Variants in SKIL observed in about 807,000 individuals in gnomAD.
The protein encoded by SKIL is ski-like protein.
A neutral mutation model predicts 69.6 loss-of-function variants in SKIL; 20 were observed. The ratio of observed to expected loss-of-function variants is 0.29; its 90% CI spans 0.20 to 0.42. The LOEUF is 0.42. Ranked by LOEUF, SKIL falls within the 10% of genes least tolerant of loss-of-function variation. The probability of loss-of-function intolerance (pLI) is 1.00; values close to 1 mark genes in which losing one functional copy is unlikely to be tolerated. For synonymous variants in SKIL, 310 were observed against 279.9 expected, an observed-to-expected ratio of 1.11 and a Z score of -1.08; for missense variants, 745 against 783.1, an observed-to-expected ratio of 0.95 and a Z score of 0.58.
At position 170,394,432 on chromosome 3, in the gene SKIL, ACAAACT is replaced by A. The variant is rs1049774198; in HGVS notation, c.*2021_*2026del. On this transcript the variant is annotated 3_prime_UTR_variant, in exon 7 of 7. Coordinates refer to ENST00000259119, the MANE Select transcript of SKIL (RefSeq NM_005414.5). ...GTGTCACAGCTCAGCTTTTTGGAAG[ACAAACT>A]CAAACACCTATAATTTCATTTATAT... is the stretch of plus-strand genomic sequence containing the variant. 1.1e-3 allele frequency: 167 copies of A among 152,278 alleles called. 2 individuals are homozygous for A. The highest frequency in any genetic ancestry group is 3.7e-3 in the African/African-American group (155 of 41,568). The allele number at this position is 152,278 out of a possible 1,614,324, so 9.4% of individuals were successfully genotyped here.
At chr3:170,374,114 C>T (rs9682041) in intron 2 of SKIL, among the ~76,000 whole-genome samples, 128,185 of 152,172 alleles carry the variant, frequency 0.84, 54,189 homozygotes, top group East Asian at 0.94. Flanking sequence ...CAAAGGGTCA[C>T]GTATACAGAA....
chr3:170,366,883 T>C (rs1190303247), intron 2 of SKIL, among the ~76,000 whole-genome samples: 1 of 152,190 alleles, frequency 6.6e-6, no homozygotes, highest in Non-Finnish European at 1.5e-5. Context: ...CAGTGGATAT[T>C]CAGCAAAATC....
chr3:170,379,560 A>G lies in SKIL; in HGVS notation c.1099-1684A>G, dbSNP rs1301626414. 2.6e-5 allele frequency among the ~76,000 whole-genome samples: 4 copies of G among 152,228 alleles called. No individual in the cohort carries two copies. In the East Asian group the frequency reaches 7.7e-4, roughly 29 times the overall value. On this transcript the variant is annotated intron_variant, in intron 2 of 6. Coordinates refer to ENST00000259119, the MANE Select transcript of SKIL (RefSeq NM_005414.5). ...AATATGTAGGGGATGAAGGGAGGAC[A>G]AAGTGTAAATAAAGTAAACCAAAAT...
chr3:170,377,484 A>G (rs1272668055), intron 2 of SKIL, among the ~76,000 whole-genome samples: 1 of 128,338 alleles, frequency 7.8e-6, no homozygotes, highest in African/African-American at 2.9e-5. Context: ...AAAAATATTA[A>G]TTTTTTTCTT....
At chr3:170,366,870 C>T (rs1736554765) in intron 2 of SKIL, among the ~76,000 whole-genome samples, 1 of 152,012 alleles carries the variant, frequency 6.6e-6, no homozygotes, top group Non-Finnish European at 1.5e-5. Flanking sequence ...TTTTTCACAT[C>T]TTCAGTGGAT....
chr3:170,362,319 A>G (rs781681856), intron 2 of SKIL, among the ~76,000 whole-genome samples: 3 of 152,186 alleles, frequency 2.0e-5, no homozygotes, highest in Non-Finnish European at 4.4e-5. Flanking sequence ...CCTGGCCAAC[A>G]TGGTGAAATC....
chr3:170,385,027 C>G (rs1474236061), intron 4 of SKIL: 3 of 248,924 alleles, frequency 1.2e-5, no homozygotes, highest in African/African-American at 6.8e-5. Context: ...GAATTTTTTT[C>G]CTTTCCTACC....
In SKIL at chr3:170,373,011, G is replaced by A. The variant is rs1196894295; in HGVS notation, c.1099-8233G>A. ...CAATTTTTTTTTTTTTTTTTGAGAC[G>A]GAGTCTCACTCTGTCGCCCAGGCTG... On this transcript the variant is annotated intron_variant, in intron 2 of 6. Coordinates refer to ENST00000259119, the MANE Select transcript of SKIL (RefSeq NM_005414.5). Among the ~76,000 whole-genome samples, 17 of 127,552 alleles carry A rather than the reference G, an allele frequency of 1.3e-4. No homozygotes were observed. The South Asian group carries it at 1.9e-3, about 15-fold the overall frequency. The allele number at this position is 127,552 out of a possible 152,430, so 83.7% of individuals were successfully genotyped here.
In SKIL at chr3:170,392,349, A is replaced by C; in HGVS notation, c.1987A>C (p.Lys663Gln). The C allele has an allele frequency of 6.2e-7, 1 of 1,613,050 alleles. No individual in the cohort carries two copies. Residue 663 changes from lysine to glutamine, a missense_variant, in exon 7 of 7, where the codon AAG (lysine) becomes CAG (glutamine). Lys to Gln is a moderately conservative substitution (Grantham distance 53). Coordinates refer to ENST00000259119, the MANE Select transcript of SKIL (RefSeq NM_005414.5). Reference protein sequence around the residue: ...ELRQEREARQKLEMMIKELKL... With the variant: ...ELRQEREARQQLEMMIKELKL... Reference sequence around the variant, plus strand: ...CAGACAGGAACGGGAAGCAAGACAGAAGTTAGAGATGATGATAAAAGAGCT... The same window carrying C: ...CAGACAGGAACGGGAAGCAAGACAGCAGTTAGAGATGATGATAAAAGAGCT...
At position 170,393,180 on chromosome 3, in the gene SKIL, A is replaced by G. The variant is rs541957172; in HGVS notation, c.*763A>G. On this transcript the variant is annotated 3_prime_UTR_variant, in exon 7 of 7. Transcript: ENST00000259119. ...TTTCTGAACTTTTGTTTGTGTTGTTAATAGTGGTGTGAAAATATTAACGTT... is the reference window on the plus strand; with the variant it reads ...TTTCTGAACTTTTGTTTGTGTTGTTGATAGTGGTGTGAAAATATTAACGTT... 6.6e-6 allele frequency: 1 copy of G among 152,250 alleles called. No homozygotes were observed. Among genetic ancestry groups the G allele is most frequent in the Admixed American group, 6.5e-5 (1 of 15,292 alleles). The allele number at this position is 152,250 out of a possible 1,614,324, so 9.4% of individuals were successfully genotyped here. A position where few individuals can be genotyped will look rare whatever the true frequency, so the allele number is the denominator to read the frequency against.
At chr3:170,364,060 C>A (rs1285531065) in intron 2 of SKIL, among the ~76,000 whole-genome samples, 1 of 152,160 alleles carries the variant, frequency 6.6e-6, no homozygotes, top group Non-Finnish European at 1.5e-5. Flanking sequence ...AAGCAATTCT[C>A]CTGCCTCAGT....
At position 170,396,016 on chromosome 3, in the gene SKIL, T is replaced by C. The variant is rs866264314; in HGVS notation, c.*3599T>C. ...CATTTCATTTAAAAGGACAGTTTTT[T>C]TTTTTTTTTTGTAAATCCATTCATT... On this transcript the variant is annotated 3_prime_UTR_variant, in exon 7 of 7. Transcript: ENST00000259119. The C allele has an allele frequency of 6.6e-6, 1 of 151,684 alleles. No individual in the cohort carries two copies. The allele number at this position is 151,684 out of a possible 1,614,324, so 9.4% of individuals were successfully genotyped here.
intron 3 of SKIL, 59 bp from the exon 4 acceptor site, chr3:170,384,474 G>T: frequency 7.9e-6 from 6 of 758,926 alleles, no homozygotes; most frequent in South Asian, 2.1e-5. Flanking sequence ...TTACATATTT[G>T]ATTTTTACTT....
chr3:170,389,916 G>C (rs796735742), intron 4 of SKIL, among the ~76,000 whole-genome samples: 6 of 152,228 alleles, frequency 3.9e-5, no homozygotes, highest in African/African-American at 1.4e-4. Context: ...AAATCCAGTG[G>C]GGATTTTGAT....
At chr3:170,383,057 C>CT (rs1301589946) in intron 3 of SKIL, among the ~76,000 whole-genome samples, 6 of 152,154 alleles carry the variant, frequency 3.9e-5, no homozygotes, top group Non-Finnish European at 7.4e-5. Flanking sequence ...TCTTTTGAAA[C>CT]TAAGAGCTTT....
chr3:170,390,226 C>A lies in SKIL; in HGVS notation c.1433C>A (p.Ala478Glu). The A allele has an allele frequency of 6.2e-7, 1 of 1,606,852 alleles. No individual in the cohort carries two copies. The highest frequency in any genetic ancestry group is 8.5e-7 in the Non-Finnish European group (1 of 1,173,738). Residue 478 changes from alanine (A) to glutamate (E), a missense_variant, in exon 5 of 7, where the codon GCA becomes GAA. Physicochemically the swap from Ala to Glu is moderately radical, Grantham distance 107 (BLOSUM62 -1). Transcript: ENST00000259119. The part of the protein sequence containing the change: ...TSRELCSRLD[A>E]SISNNSTSKR... ...ACTTGATTTTTTTCTCTCCAAGATG[C>A]ATCAATCTCAAATAATTCTACAAGT...
At chr3:170,390,520 T>A (rs1737861374) in intron 5 of SKIL, 56 bp downstream of exon 5, 2 of 1,443,236 alleles carry the variant, frequency 1.4e-6, no homozygotes, top group Non-Finnish European at 1.9e-6. Context: ...TGTATATTGC[T>A]CTGTCGCCCA....
At chr3:170,359,441 C>CA (rs1320021554) in intron 1 of SKIL, among the ~76,000 whole-genome samples, 3 of 151,862 alleles carry the variant, frequency 2.0e-5, no homozygotes, top group Non-Finnish European at 2.9e-5. Flanking sequence ...ACTAAAAATA[C>CA]AAAAAAATTA....
rs1220464373 is a variant in SKIL at position 170,384,825 on chromosome 3, A to G, written c.1429+60A>G. 6 of 880,082 alleles carry G rather than the reference A, an allele frequency of 6.8e-6. No homozygotes were observed. The East Asian group carries it at 1.6e-4, about 23-fold the overall frequency. The allele number at this position is 880,082 out of a possible 1,614,324, so 54.5% of individuals were successfully genotyped here. On this transcript the variant is annotated intron_variant, in intron 4 of 6. Transcript: ENST00000259119. ...TATCTAATGAACACATTTATTGAGC[A>G]TTTTCAAACAGGCTTTTTGTTTGAG...
Sources: allele counts gnomAD v4.1 joint callset (sites outside exome capture counted in the v4.1 genomes callset), GRCh38; gene constraint gnomAD v4.1.1; transcripts MANE v1.5; gene names NCBI Gene and HGNC (gene_info 2026-07-23, HGNC 2026-07-21).